The following PPARGC1A variants were observed in gnomAD, a reference collection of about 807,000 sequenced individuals.
PPARGC1A encodes peroxisome proliferator-activated receptor gamma coactivator 1-alpha.
A neutral mutation model predicts 88.7 loss-of-function variants in PPARGC1A; 25 were observed. That is an observed-to-expected ratio of 0.28 (90% CI 0.21 to 0.39). The LOEUF (loss-of-function observed/expected upper bound fraction) is 0.39, where lower values mean the gene tolerates loss of function less well. PPARGC1A is among the 10% of genes least tolerant of loss of function. The probability of loss-of-function intolerance (pLI) is 1.00; values close to 1 mark genes in which losing one functional copy is unlikely to be tolerated. For missense variants in PPARGC1A, 880 were observed against 968.7 expected, an observed-to-expected ratio of 0.91 and a Z score of 1.22; for synonymous variants, 363 against 355.6, an observed-to-expected ratio of 1.02 and a Z score of -0.24.
At chr4:24,335,957 G>A in the PPARGC1A span, among the ~76,000 whole-genome samples, 2 of 152,000 alleles carry the variant, frequency 1.3e-5, no homozygotes, top group African/African-American at 4.8e-5. Context: ...ATAAATAAAG[G>A]CCTAGAGCAA....
At chr4:24,332,362 G>T in the PPARGC1A span, among the ~76,000 whole-genome samples, 2 of 152,096 alleles carry the variant, frequency 1.3e-5, no homozygotes, top group African/African-American at 4.8e-5. Context: ...AGTACGACAT[G>T]CATTAATAAA....
chr4:23,978,576 G>T, the PPARGC1A span, among the ~76,000 whole-genome samples: 32 of 152,214 alleles, frequency 2.1e-4, no homozygotes, highest in East Asian at 3.9e-4. Context: ...ATTTCTATCA[G>T]GTTATAACCC....
the PPARGC1A span, among the ~76,000 whole-genome samples, chr4:24,121,457 G>A: frequency 2.0e-5 from 3 of 152,096 alleles, no homozygotes; most frequent in African/African-American, 7.2e-5. Context: ...GGGGAGAGTA[G>A]CGACCACGTG....
chr4:23,798,357 A>G (rs61481389), intron 12 of PPARGC1A, among the ~76,000 whole-genome samples: 5,840 of 152,300 alleles, frequency 0.038, 120 homozygotes, highest in Middle Eastern at 0.058. Flanking sequence ...CAGCACCTGG[A>G]AAACTGTTGG....
the PPARGC1A span, among the ~76,000 whole-genome samples, chr4:23,914,191 T>C: frequency 1.4e-4 from 22 of 152,338 alleles, no homozygotes; most frequent in Admixed American, 2.6e-4. Context: ...TTAAATTTTA[T>C]TGAGTGCTTA....
the PPARGC1A span, chr4:24,091,556 A>G: frequency 3.0e-6 from 3 of 985,332 alleles, no homozygotes; most frequent in South Asian, 4.7e-5. Flanking sequence ...TGCTTGCACA[A>G]ACTGGATTCG....
the PPARGC1A span, among the ~76,000 whole-genome samples, chr4:24,426,846 C>T: frequency 5.9e-5 from 9 of 152,134 alleles, no homozygotes; most frequent in Non-Finnish European, 8.8e-5. Context: ...GATAAATACT[C>T]GGGCCAAGGC....
the PPARGC1A span, among the ~76,000 whole-genome samples, chr4:24,060,721 T>A: frequency 1.3e-5 from 2 of 152,226 alleles, no homozygotes; most frequent in Admixed American, 6.5e-5. Flanking sequence ...ATGAAATCTT[T>A]CTTTGTGCTA....
At chr4:24,157,125 T>C in the PPARGC1A span, among the ~76,000 whole-genome samples, 2 of 152,164 alleles carry the variant, frequency 1.3e-5, no homozygotes, top group African/African-American at 2.4e-5. Flanking sequence ...ACTTCTTAGC[T>C]GCATAAACTT....
the PPARGC1A span, among the ~76,000 whole-genome samples, chr4:24,025,986 AT>A: frequency 6.6e-6 from 1 of 152,174 alleles, no homozygotes; most frequent in East Asian, 1.9e-4. Flanking sequence ...GTGGTCCATG[AT>A]TTGCACTCAA....
At chr4:24,444,440 A>G in the PPARGC1A span, among the ~76,000 whole-genome samples, 2 of 152,130 alleles carry the variant, frequency 1.3e-5, no homozygotes, top group Admixed American at 6.5e-5. Context: ...CCAAGCAAAA[A>G]AAATTTAAAA....
At chr4:23,913,199 TATAG>T in the PPARGC1A span, among the ~76,000 whole-genome samples, 2 of 144,228 alleles carry the variant, frequency 1.4e-5, no homozygotes, top group African/African-American at 2.5e-5. Flanking sequence ...ATATGATATA[TATAG>T]AATCTCTCAA....
chr4:24,029,505 T>G, the PPARGC1A span, among the ~76,000 whole-genome samples: 132 of 152,320 alleles, frequency 8.7e-4, no homozygotes, highest in African/African-American at 3.1e-3. Flanking sequence ...ACTGGCTCTG[T>G]GATTTGGGGT....
chr4:24,277,473 G>A, the PPARGC1A span, among the ~76,000 whole-genome samples: 1 of 151,960 alleles, frequency 6.6e-6, no homozygotes, highest in Non-Finnish European at 1.5e-5. Flanking sequence ...GCTCAATTAG[G>A]ATGCTGCATG....
chr4:24,321,010 A>AG, the PPARGC1A span, among the ~76,000 whole-genome samples: 435 of 152,256 alleles, frequency 2.9e-3, 18 homozygotes, highest in East Asian at 0.064. Flanking sequence ...ACCGAGTCCC[A>AG]GCTGCACTAA....
At chr4:24,013,250 A>C in the PPARGC1A span, among the ~76,000 whole-genome samples, 100 of 152,100 alleles carry the variant, frequency 6.6e-4, 1 homozygote, top group Admixed American at 1.7e-3. Context: ...GAGAAGCACA[A>C]AATTTTAACT....
the PPARGC1A span, among the ~76,000 whole-genome samples, chr4:24,095,663 G>A: frequency 1.3e-5 from 2 of 152,136 alleles, no homozygotes; most frequent in Non-Finnish European, 2.9e-5. Context: ...TTGTGCTGCT[G>A]TAACAGAATA....
chr4:24,085,020 T>C, the PPARGC1A span, among the ~76,000 whole-genome samples: 1 of 152,238 alleles, frequency 6.6e-6, no homozygotes, highest in African/African-American at 2.4e-5. Flanking sequence ...ACTCACTTGA[T>C]GGATGACAGT....
At chr4:24,215,427 C>A in the PPARGC1A span, among the ~76,000 whole-genome samples, 1 of 152,086 alleles carries the variant, frequency 6.6e-6, no homozygotes, top group African/African-American at 2.4e-5. Context: ...ATTACTAAGA[C>A]TTTTTCGGAG....
Sources: gnomAD v4.1 joint callset for allele counts (sites outside exome capture counted in the v4.1 genomes callset) on GRCh38, gnomAD v4.1.1 for gene constraint, MANE v1.5 for transcripts, NCBI Gene and HGNC (gene_info 2026-07-23, HGNC 2026-07-21) for gene names.